Variants in CLCN7 observed in about 807,000 individuals in gnomAD.
CLCN7 encodes the protein H(+)/Cl(-) exchange transporter 7.
CLCN7 carries 60 observed loss-of-function variants against 102.1 expected under a neutral mutation model. The observed-to-expected ratio is 0.59, with a 90% CI of 0.48 to 0.73. The LOEUF (loss-of-function observed/expected upper bound fraction) is 0.73, where lower values mean the gene tolerates loss of function less well. Among genes scored for constraint, CLCN7 ranks in the 30% least tolerant of loss-of-function variants. The probability of loss-of-function intolerance (pLI) is 0.00; values close to 1 mark genes in which losing one functional copy is unlikely to be tolerated. For missense variants in CLCN7, 962 were observed against 1,125.7 expected (o/e 0.85, Z 2.08); for synonymous variants, 560 against 490.5 (o/e 1.14, Z -1.87).
chr16:1,457,681 T>C lies in CLCN7; in HGVS notation c.738+13A>G. ...TCAGGCTCCAGCTGGAGTGGCCATG[T>C]GCACTTTGTTACCTTTCCCACGGCC... is the stretch of plus-strand genomic sequence containing the variant. On this transcript the variant is annotated intron_variant, in intron 8 of 24. Transcript: ENST00000382745. The surrounding 1 kb of genome is among the most constrained non-coding windows in gnomAD (Gnocchi z 5.4). The C allele has an allele frequency of 6.2e-7, 1 of 1,613,390 alleles. No individual in the cohort carries two copies. Among genetic ancestry groups the C allele is most frequent in the Non-Finnish European group, 8.5e-7 (1 of 1,179,894 alleles).
chr16:1,447,138 G>A (rs1421338031), intron 23 of CLCN7, 52 bp from the exon 24 acceptor site: 1 of 1,506,316 alleles, frequency 6.6e-7, no homozygotes, highest in Non-Finnish European at 9.0e-7. Context: ...GAGGCAGGCG[G>A]GACCCTCACC....
chr16:1,449,070 T>C lies in CLCN7; in HGVS notation c.1693A>G (p.Ser565Gly). Reference protein sequence around the residue: ...QLGGIVRMTLSLTVIMMEATS... With the variant: ...QLGGIVRMTLGLTVIMMEATS... ...GCCTCCATCATGATGACGGTCAGGC[T>C]CAGTGTCATCCGCACAATCCCGCCT... The change falls in exon 19 of 25, where the codon AGC (serine) becomes GGC (glycine). Residue 565 changes from serine to glycine, a missense_variant. Around this residue, in one of 2 missense-constraint regions of CLCN7, gnomAD observed 799 missense variants for 988.0 expected, o/e 0.81. Transcript: ENST00000382745. 1 of 1,612,802 alleles carries C rather than the reference T, an allele frequency of 6.2e-7. No homozygotes were observed. Among genetic ancestry groups the C allele is most frequent in the Non-Finnish European group, 8.5e-7 (1 of 1,179,992 alleles).
At chr16:1,454,313 C>T in intron 13 of CLCN7, 98 bp downstream of exon 13, 2 of 1,301,202 alleles carry the variant, frequency 1.5e-6, no homozygotes, top group Non-Finnish European at 2.2e-6. Flanking sequence ...TGAGGGCAGG[C>T]TCCAGGGAGC....
At chr16:1,466,885 C>T (rs2039011872) in intron 1 of CLCN7, 1 of 136,632 alleles carries the variant, frequency 7.3e-6, no homozygotes, top group African/African-American at 2.7e-5. Context: ...GAGATCGCAC[C>T]ACTGCACTCC....
At chr16:1,470,767 T>C (rs2039067487) in intron 1 of CLCN7, among the ~76,000 whole-genome samples, 1 of 152,172 alleles carries the variant, frequency 6.6e-6, no homozygotes, top group Non-Finnish European at 1.5e-5. Flanking sequence ...GCAGCCTTGC[T>C]GCGCCCACAG....
intron 15 of CLCN7, 173 bp downstream of exon 15, chr16:1,452,582 G>C (rs1235712646): frequency 3.0e-6 from 2 of 672,758 alleles, no homozygotes; most frequent in Non-Finnish European, 5.0e-6. Flanking sequence ...CAGACACCTG[G>C]CCTCCTCTGA....
At chr16:1,453,925 A>G in intron 13 of CLCN7, 31 bp from the exon 14 acceptor site, 1 of 1,611,862 alleles carries the variant, frequency 6.2e-7, no homozygotes, top group Non-Finnish European at 8.5e-7. Context: ...AGTCAGCGAC[A>G]CCGGAGGAAA....
In CLCN7 at chr16:1,460,911, C is replaced by T; in HGVS notation, c.389G>A (p.Cys130Tyr). 6.2e-7 allele frequency: 1 copy of T among 1,613,920 alleles called. No homozygotes were observed. The highest frequency in any genetic ancestry group is 8.5e-7 in the Non-Finnish European group (1 of 1,179,952). Residue 130 changes from cysteine to tyrosine, a missense_variant, in exon 5 of 25, where the codon TGC becomes TAC. Cys to Tyr is a radical substitution (Grantham distance 194). Around this residue, in one of 2 missense-constraint regions of CLCN7, gnomAD observed 799 missense variants for 988.0 expected, o/e 0.81. Transcript: ENST00000382745. ...GCCCGTGAGGATCCCAATGAGGGCG[C>T]AGATGACCCAGCGCTTGATCTCCAC... ...RTVEIKRWVICALIGILTGLV... is the reference protein window; with the variant it reads ...RTVEIKRWVIYALIGILTGLV...
At position 1,465,426 on chromosome 16, in the gene CLCN7, C is replaced by T. The variant is rs980657578; in HGVS notation, c.142-88G>A. On this transcript the variant is annotated intron_variant, in intron 1 of 24. Transcript: ENST00000382745. ...CACTCCCGCCGCCGCACCCTGGCCT[C>T]GCCTGACCCTGCCCGGGAGCTCAGG... is the stretch of plus-strand genomic sequence containing the variant. The T allele has an allele frequency of 1.7e-5, 21 of 1,204,934 alleles. No individual in the cohort carries two copies. The Admixed American group carries it at 1.8e-4, about 10-fold the overall frequency. The allele number at this position is 1,204,934 out of a possible 1,614,324, so 74.6% of individuals were successfully genotyped here. A position where few individuals can be genotyped will look rare whatever the true frequency, so the allele number is the denominator to read the frequency against.
At position 1,457,816 on chromosome 16, in the gene CLCN7, A is replaced by C. The variant is rs2038861943; in HGVS notation, c.676-60T>G. The C allele has an allele frequency of 6.5e-7, 1 of 1,549,932 alleles. No homozygotes were observed. Among genetic ancestry groups the C allele is most frequent in the Non-Finnish European group, 8.9e-7 (1 of 1,123,290 alleles). On this transcript the variant is annotated intron_variant, in intron 7 of 24. Transcript: ENST00000382745. The surrounding 1 kb of genome is among the most constrained non-coding windows in gnomAD (Gnocchi z 5.4). ...AAGGCAGGCGCTGTCTTTGGACCTG[A>C]GCCGTAAAACAGCACACACAGCCCC...
chr16:1,455,942 A>G, intron 10 of CLCN7, 147 bp from the exon 11 acceptor site: 1 of 1,057,504 alleles, frequency 9.5e-7, no homozygotes, highest in Admixed American at 2.0e-5. Context: ...AGGGACCCTG[A>G]GGGAGGTCTG....
chr16:1,459,155 G>T lies in CLCN7; in HGVS notation c.627C>A (p.Ile209=). 6.2e-7 allele frequency: 1 copy of T among 1,613,332 alleles called. No individual in the cohort carries two copies. The highest frequency in any genetic ancestry group is 1.1e-5 in the South Asian group (1 of 91,048). ...PVAAGSGIPQ[I]KCFLNGVKIP... ...TCTTCACCCCGTTGAGGAAGCACTT[G>T]ATCTGGGGGATTCCGCTGCCAGCAG... The change falls in exon 7 of 25, where the codon ATC becomes ATA. Residue 209 remains isoleucine (I), a synonymous_variant. Coordinates refer to ENST00000382745, the MANE Select transcript of CLCN7 (RefSeq NM_001287.6).
At chr16:1,455,513 C>G in intron 11 of CLCN7, 1 of 666,320 alleles carries the variant, frequency 1.5e-6, no homozygotes, top group East Asian at 2.7e-5. Context: ...GATCCCCTAC[C>G]CGGGAGCCAC....
chr16:1,447,487 G>C lies in CLCN7; in HGVS notation c.2155C>G (p.Pro719Ala). 2 of 1,553,246 alleles carry C rather than the reference G, an allele frequency of 1.3e-6. No homozygotes were observed. Among genetic ancestry groups the C allele is most frequent in the Non-Finnish European group, 1.7e-6 (2 of 1,148,634 alleles). Residue 719 changes from proline to alanine, a missense_variant, in exon 23 of 25, where the codon CCA becomes GCA. By Grantham distance (27) the Pro-to-Ala change is conservative. Coordinates refer to ENST00000382745, the MANE Select transcript of CLCN7 (RefSeq NM_001287.6). Reference sequence around the variant, plus strand: ...GACACGTGGATGGACTGGATGGGTGGGAAGCGCGGGTAGGCGTCTCGGAAG... The same window carrying C: ...GACACGTGGATGGACTGGATGGGTGCGAAGCGCGGGTAGGCGTCTCGGAAG... ...KDFRDAYPRF[P>A]PIQSIHVSQD...
intron 1 of CLCN7, among the ~76,000 whole-genome samples, 158 bp from the exon 2 acceptor site, chr16:1,465,496 T>C (rs1596227626): frequency 6.6e-6 from 1 of 151,942 alleles, no homozygotes; most frequent in Non-Finnish European, 1.5e-5. Context: ...GCAGCAGGGC[T>C]GGGACGGGCC....
At chr16:1,456,397 G>A (rs569130197) in intron 9 of CLCN7, among the ~76,000 whole-genome samples, 191 bp from the exon 10 acceptor site, 12 of 152,158 alleles carry the variant, frequency 7.9e-5, no homozygotes, top group African/African-American at 2.4e-4. Context: ...CACCACCACC[G>A]GCAGCCCAGG....
Position 1,452,843 on chromosome 16 carries a change from G to A in CLCN7, c.1265C>T (p.Ala422Val), listed in dbSNP as rs2142374714. ...LQVIEAVLVAAVTATVAFVLI... is the reference protein window; with the variant it reads ...LQVIEAVLVAVVTATVAFVLI... ...CACGAAGGCAACTGTGGCCGTGACGGCGGCCACCAGCACGGCCTCAATCAC... is the reference window on the plus strand; with the variant it reads ...CACGAAGGCAACTGTGGCCGTGACGACGGCCACCAGCACGGCCTCAATCAC... Residue 422 changes from alanine (A) to valine (V), a missense_variant, in exon 15 of 25, where the codon GCC becomes GTC. Coordinates refer to ENST00000382745, the MANE Select transcript of CLCN7 (RefSeq NM_001287.6). 2 of 1,586,252 alleles carry A rather than the reference G, an allele frequency of 1.3e-6. No individual in the cohort carries two copies. The highest frequency in any genetic ancestry group is 4.6e-5 in the East Asian group (2 of 43,054).
chr16:1,458,414 C>T lies in CLCN7; in HGVS notation c.676-658G>A, dbSNP rs73492068. 5.5e-3 allele frequency among the ~76,000 whole-genome samples: 841 copies of T among 152,386 alleles called. 9 individuals carry two copies. Among genetic ancestry groups the T allele is most frequent in the African/African-American group, 0.019 (800 of 41,600 alleles). On this transcript the variant is annotated intron_variant, in intron 7 of 24. Transcript: ENST00000382745. ...TCCAAGAAGGTTCAGGCCAGCCTGG[C>T]GCGGGTGACAGGCGGGTCGCCATTC... is the stretch of plus-strand genomic sequence containing the variant.
chr16:1,460,390 G>A (rs201260651), intron 6 of CLCN7, 28 bp downstream of exon 6: 29 of 1,530,196 alleles, frequency 1.9e-5, no homozygotes, highest in East Asian at 1.1e-4. Context: ...CATGGGGTCC[G>A]CCATAGCTGC....
Sources: allele counts gnomAD v4.1 joint callset (sites outside exome capture counted in the v4.1 genomes callset), GRCh38; gene constraint gnomAD v4.1.1; regional missense constraint gnomAD v4.1.1; non-coding constraint Gnocchi (gnomAD v3.1); transcripts MANE v1.5; gene names NCBI Gene and HGNC (gene_info 2026-07-23, HGNC 2026-07-21).